RIC1: variants seen among roughly 807,000 people sequenced by gnomAD.
The protein encoded by RIC1 is guanine nucleotide exchange factor subunit RIC1.
Under a neutral mutation model 169.0 loss-of-function variants are expected in RIC1, and 88 were observed. The ratio of observed to expected loss-of-function variants is 0.52; its 90% CI spans 0.44 to 0.62. The LOEUF (loss-of-function observed/expected upper bound fraction) is 0.62, where lower values mean the gene tolerates loss of function less well. Ranked by LOEUF, RIC1 falls within the 20% of genes least tolerant of loss-of-function variation. The pLI, the probability that RIC1 is intolerant of heterozygous loss-of-function variation, is 0.00. For missense variants in RIC1, 1,877 were observed against 1,725.5 expected (o/e 1.09, Z -1.56); for synonymous variants, 790 against 601.5 (o/e 1.31, Z -4.59).
intron 25 of RIC1, 55 bp downstream of exon 25, chr9:5,773,135 G>C (rs567063070): frequency 8.8e-7 from 1 of 1,142,464 alleles, no homozygotes; most frequent in Non-Finnish European, 1.2e-6. Context: ...GGTGAATCCT[G>C]TCCTTTCACA....
intron 3 of RIC1, among the ~76,000 whole-genome samples, chr9:5,699,413 G>T (rs1822091535): frequency 6.6e-6 from 1 of 151,970 alleles, no homozygotes; most frequent in Non-Finnish European, 1.5e-5. Flanking sequence ...GTGGCCACCT[G>T]CAATTCTGAA....
intron 15 of RIC1, 101 bp downstream of exon 15, chr9:5,755,031 C>T: frequency 1.5e-6 from 1 of 670,776 alleles, no homozygotes; most frequent in Non-Finnish European, 2.3e-6. Context: ...CTGAACAAAA[C>T]ATTTTATTTT....
chr9:5,763,206 A>G lies in RIC1; in HGVS notation c.2179A>G (p.Asn727Asp). 1 of 1,614,106 alleles carries G rather than the reference A, an allele frequency of 6.2e-7. No individual in the cohort carries two copies. Among genetic ancestry groups the G allele is most frequent in the Non-Finnish European group, 8.5e-7 (1 of 1,180,012 alleles). The change falls in exon 19 of 26, where the codon AAT becomes GAT. Residue 727 changes from asparagine to aspartate, a missense_variant. Asn to Asp is a conservative substitution (Grantham distance 23). Around this residue, in one of 3 missense-constraint regions of RIC1, gnomAD observed 1,104 missense variants for 992.0 expected, o/e 1.11. Transcript: ENST00000414202. The surrounding 1 kb of genome is among the most constrained non-coding windows in gnomAD (Gnocchi z 5.2). ...VENVWTTCRA[N>D]KQKRHLLEAL... The stretch of plus-strand genomic sequence containing the variant: ...AAATGTCTGGACAACGTGTCGAGCA[A>G]ATAAACAGAAACGTCACCTTCTGGA...
intron 1 of RIC1, among the ~76,000 whole-genome samples, chr9:5,651,865 G>C (rs11792562): frequency 2.0e-5 from 3 of 152,120 alleles, no homozygotes; most frequent in African/African-American, 7.2e-5. Context: ...ACCGCACCTA[G>C]CCTCTTTAAT....
At chr9:5,748,901 C>A (rs986770092) in intron 12 of RIC1, among the ~76,000 whole-genome samples, 3 of 152,138 alleles carry the variant, frequency 2.0e-5, no homozygotes, top group African/African-American at 7.2e-5. Context: ...CTTTAGATAG[C>A]TAAAGATATT....
chr9:5,730,745 ATTC>A (rs1399354409), intron 6 of RIC1, among the ~76,000 whole-genome samples: 1 of 152,120 alleles, frequency 6.6e-6, no homozygotes, highest in Non-Finnish European at 1.5e-5. Context: ...ATTTTCATGT[ATTC>A]TTTATTATAA....
chr9:5,710,238 T>C (rs1822853084), intron 3 of RIC1, among the ~76,000 whole-genome samples: 1 of 152,164 alleles, frequency 6.6e-6, no homozygotes, highest in Non-Finnish European at 1.5e-5. Context: ...GCCATCAACA[T>C]AGAGATTGCT....
chr9:5,641,134 C>G (rs1445474123), intron 1 of RIC1, among the ~76,000 whole-genome samples: 2 of 151,186 alleles, frequency 1.3e-5, no homozygotes, highest in South Asian at 2.1e-4. Context: ...CTCTGTCACC[C>G]AGGCTGGAGT....
chr9:5,729,863 A>G (rs1387933258), intron 6 of RIC1, among the ~76,000 whole-genome samples: 3 of 151,540 alleles, frequency 2.0e-5, no homozygotes, highest in Admixed American at 2.0e-4. Flanking sequence ...TTTTTTTCCT[A>G]TAAGGTGCAT....
At chr9:5,648,474 G>C (rs894125840) in intron 1 of RIC1, among the ~76,000 whole-genome samples, 1 of 152,140 alleles carries the variant, frequency 6.6e-6, no homozygotes, top group Non-Finnish European at 1.5e-5. Flanking sequence ...TAACAGTGTG[G>C]CTATGAACTT....
chr9:5,676,870 A>C (rs1216669770), intron 2 of RIC1, among the ~76,000 whole-genome samples: 1 of 152,212 alleles, frequency 6.6e-6, no homozygotes, highest in Non-Finnish European at 1.5e-5. Flanking sequence ...GTGAATCAGT[A>C]ATTCATTATG....
At chr9:5,773,105 G>T (rs1421289019) in intron 25 of RIC1, 25 bp downstream of exon 25, 1 of 1,507,840 alleles carries the variant, frequency 6.6e-7, no homozygotes, top group Admixed American at 2.0e-5. Context: ...CCTTAGGCTT[G>T]GTGTCCTTCC....
intron 3 of RIC1, among the ~76,000 whole-genome samples, chr9:5,697,655 G>C (rs1186583091): frequency 1.3e-5 from 2 of 152,140 alleles, no homozygotes; most frequent in Non-Finnish European, 2.9e-5. Context: ...TTTAGGAAAA[G>C]AAATCGTTCT....
At chr9:5,726,650 G>T (rs1277523143) in intron 6 of RIC1, among the ~76,000 whole-genome samples, 1 of 152,146 alleles carries the variant, frequency 6.6e-6, no homozygotes, top group African/African-American at 2.4e-5. Context: ...TCCTAGCATC[G>T]ATGGTCTTTA....
At position 5,633,545 on chromosome 9, in the gene RIC1, T is replaced by G. The variant is rs1360055047; in HGVS notation, c.144+4092T>G. On this transcript the variant is annotated intron_variant, in intron 1 of 25. Coordinates refer to ENST00000414202, the MANE Select transcript of RIC1 (RefSeq NM_020829.4). ...ACCTACCGTAACCATAAGTGTTCATTTTTCTGATGAACTACTGCTTCCCCA... is the reference window on the plus strand; with the variant it reads ...ACCTACCGTAACCATAAGTGTTCATGTTTCTGATGAACTACTGCTTCCCCA... Among the ~76,000 whole-genome samples the G allele has an allele frequency of 5.3e-5, 8 of 152,282 alleles. No homozygotes were observed. The East Asian group carries it at 1.3e-3, about 26-fold the overall frequency.
At chr9:5,752,158 T>C (rs780490371) in intron 12 of RIC1, among the ~76,000 whole-genome samples, 14 of 152,190 alleles carry the variant, frequency 9.2e-5, no homozygotes, top group Non-Finnish European at 1.6e-4. Flanking sequence ...AAGGTGTTGT[T>C]AGGGTGATAC....
rs1827515013 is a variant in RIC1 at position 5,775,205 on chromosome 9, C to T, written c.*959C>T. On this transcript the variant is annotated 3_prime_UTR_variant, in exon 26 of 26. Transcript: ENST00000414202. ...AATTAACATAGTCTCTTATTTATTG[C>T]TTTTGTAAATTGAATAAAGATGGAC... 1 of 152,086 alleles carries T rather than the reference C, an allele frequency of 6.6e-6. No individual in the cohort carries two copies. Among genetic ancestry groups the T allele is most frequent in the Non-Finnish European group, 1.5e-5 (1 of 68,016 alleles). 9.4% of individuals were successfully genotyped at this position (152,086 alleles called of 1,614,324 possible).
intron 12 of RIC1, among the ~76,000 whole-genome samples, chr9:5,748,254 C>T (rs1280241236): frequency 1.3e-5 from 2 of 152,094 alleles, no homozygotes; most frequent in Non-Finnish European, 2.9e-5. Context: ...CTCTTAGTTT[C>T]TTTTAGTCAG....
Position 5,774,496 on chromosome 9 carries a change from A to G in RIC1, c.*250A>G, listed in dbSNP as rs1048209372. The G allele has an allele frequency of 6.3e-6, 2 of 315,148 alleles. No individual in the cohort carries two copies. The highest frequency in any genetic ancestry group is 4.2e-5 in the African/African-American group (2 of 47,108). The allele number at this position is 315,148 out of a possible 1,614,324, so 19.5% of individuals were successfully genotyped here. ...TAAATATTGTACAGATGTACATGAG[A>G]ATATTTTGGTTTTACTCAAAGGTTG... On this transcript the variant is annotated 3_prime_UTR_variant, in exon 26 of 26. Transcript: ENST00000414202.
Sources: gnomAD v4.1 joint callset for allele counts (sites outside exome capture counted in the v4.1 genomes callset) on GRCh38, gnomAD v4.1.1 for gene constraint, gnomAD v4.1.1 regional missense constraint, Gnocchi (gnomAD v3.1) non-coding constraint, MANE v1.5 for transcripts, NCBI Gene and HGNC (gene_info 2026-07-23, HGNC 2026-07-21) for gene names.